Variants in BRIP1 observed in about 807,000 individuals in gnomAD.
The protein encoded by BRIP1 is BRCA1 interacting DNA helicase 1, also known as Fanconi anemia group J protein.
In BRIP1, 88 loss-of-function variants were observed where a neutral mutation model predicts 119.7. The observed-to-expected ratio is 0.74, with a 90% CI of 0.62 to 0.88. The LOEUF (loss-of-function observed/expected upper bound fraction) is 0.88, where lower values mean the gene tolerates loss of function less well. Among genes scored for constraint, BRIP1 ranks in the 40% least tolerant of loss-of-function variants. BRIP1 has a pLI of 0.00. For synonymous variants in BRIP1, 443 were observed against 496.5 expected (o/e 0.89, Z 1.43); for missense variants, 1,259 against 1,455.4 (o/e 0.87, Z 2.20).
chr17:61,850,002 A>C (rs2078793258), intron 4 of BRIP1, among the ~76,000 whole-genome samples: 2 of 152,078 alleles, frequency 1.3e-5, no homozygotes, highest in Non-Finnish European at 2.9e-5. Context: ...CCTTTTCCTA[A>C]ATATAAATAT....
intron 6 of BRIP1, among the ~76,000 whole-genome samples, chr17:61,833,014 TA>T (rs1275342686): frequency 1.1e-4 from 16 of 152,180 alleles, no homozygotes; most frequent in Admixed American, 8.5e-4. Context: ...GCCAAACTTT[TA>T]AAAAGCTAAA....
In BRIP1 at chr17:61,725,122, A is replaced by AGT. The variant is rs57246896; in HGVS notation, c.2380-9061_2380-9060dup. Among the ~76,000 whole-genome samples, 90 of 151,374 alleles carry AGT rather than the reference A, an allele frequency of 5.9e-4. No individual in the cohort carries two copies. Among genetic ancestry groups the AGT allele is most frequent in the African/African-American group, 2.1e-3 (85 of 41,306 alleles). On this transcript the variant is annotated intron_variant, in intron 16 of 19. Transcript: ENST00000259008. This position sits in a 1 kb window ranked among gnomAD's most constrained non-coding sequence, Gnocchi z 5.3. ...AGATTTCTGACACAGTTAACCAAATAGTGTGTGTGTGTGTGTGTGTGTGTA... is the reference window on the plus strand; with the variant it reads ...AGATTTCTGACACAGTTAACCAAATAGTGTGTGTGTGTGTGTGTGTGTGTGTA...
rs1456723345 is a variant in BRIP1, at chr17:61,748,722, G to A, written c.2098-4131C>T. Reference sequence around the variant, plus strand: ...TGCCAAAAATACATAATGGGGAAAGGACAGTCTCTTCAACAAATAGTTCAG... The same window carrying A: ...TGCCAAAAATACATAATGGGGAAAGAACAGTCTCTTCAACAAATAGTTCAG... On this transcript the variant is annotated intron_variant, in intron 14 of 19. Coordinates refer to ENST00000259008, the MANE Select transcript of BRIP1 (RefSeq NM_032043.3). This position sits in a 1 kb window ranked among gnomAD's most constrained non-coding sequence, Gnocchi z 4.7. Among the ~76,000 whole-genome samples, 1 of 152,192 alleles carries A rather than the reference G, an allele frequency of 6.6e-6. No individual in the cohort carries two copies. Among genetic ancestry groups the A allele is most frequent in the Non-Finnish European group, 1.5e-5 (1 of 68,034 alleles).
At position 61,683,031 on chromosome 17, in the gene BRIP1, C is replaced by G; in HGVS notation, c.*265G>C. On this transcript the variant is annotated 3_prime_UTR_variant, in exon 20 of 20. Transcript: ENST00000259008. The surrounding 1 kb of genome is among the most constrained non-coding windows in gnomAD (Gnocchi z 4.7). ...CCTGTAGTCCCAGCTACTCAGAAGGCTGAGGCAGGAGAATCACTTGAACCT... is the reference window on the plus strand; with the variant it reads ...CCTGTAGTCCCAGCTACTCAGAAGGGTGAGGCAGGAGAATCACTTGAACCT... 7 of 418,054 alleles carry G rather than the reference C, an allele frequency of 1.7e-5. No individual in the cohort carries two copies. In the South Asian group the frequency reaches 1.9e-4, roughly 11 times the overall value. 25.9% of individuals were successfully genotyped at this position (418,054 alleles called of 1,614,324 possible). A position where few individuals can be genotyped will look rare whatever the true frequency, so the allele number is the denominator to read the frequency against.
intron 16 of BRIP1, among the ~76,000 whole-genome samples, chr17:61,741,413 C>T (rs1205841275): frequency 6.6e-6 from 1 of 152,186 alleles, no homozygotes; most frequent in Non-Finnish European, 1.5e-5. Context: ...TTAATGGCAT[C>T]TAGAACGGTG....
Position 61,751,406 on chromosome 17 carries a change from T to C in BRIP1, c.2098-6815A>G, listed in dbSNP as rs1951063105. 6.6e-6 allele frequency among the ~76,000 whole-genome samples: 1 copy of C among 152,192 alleles called. No homozygotes were observed. The highest frequency in any genetic ancestry group is 2.4e-5 in the African/African-American group (1 of 41,440). The stretch of plus-strand genomic sequence containing the variant: ...ATTGAAAAGTTTTGGAAAGGGATAC[T>C]GGTGATGGTTGTACAACATCATGAA... On this transcript the variant is annotated intron_variant, in intron 14 of 19. Transcript: ENST00000259008. This position sits in a 1 kb window ranked among gnomAD's most constrained non-coding sequence, Gnocchi z 6.7.
chr17:61,697,715 G>T (rs939042791), intron 17 of BRIP1, among the ~76,000 whole-genome samples: 1 of 150,128 alleles, frequency 6.7e-6, no homozygotes, highest in African/African-American at 2.4e-5. Flanking sequence ...CTCGCTTTGG[G>T]TTTAGTTTGC....
rs942757047 is a variant in BRIP1 at position 61,776,700 on chromosome 17, A to C, written c.1936-138T>G. 9 of 851,654 alleles carry C rather than the reference A, an allele frequency of 1.1e-5. No homozygotes were observed. Among genetic ancestry groups the C allele is most frequent in the Admixed American group, 6.2e-5 (3 of 48,712 alleles). 52.8% of individuals were successfully genotyped at this position (851,654 alleles called of 1,614,324 possible). ...TTAAATTGTCAGGGGGTTTTCTATT[A>C]CCTTCAATTAACTGTATACAGATTT... On this transcript the variant is annotated intron_variant, in intron 13 of 19. Transcript: ENST00000259008. The surrounding 1 kb of genome is among the most constrained non-coding windows in gnomAD (Gnocchi z 5.0).
At chr17:61,784,604 A>G (rs191057166) in intron 10 of BRIP1, among the ~76,000 whole-genome samples, 180 bp from the exon 11 acceptor site, 10 of 151,972 alleles carry the variant, frequency 6.6e-5, no homozygotes, top group Non-Finnish European at 7.4e-5. Context: ...CCAGTAATGG[A>G]AGTGGGGCAT....
rs1383092232 is a variant in BRIP1 at position 61,810,701 on chromosome 17, T to C, written c.628-1944A>G. Among the ~76,000 whole-genome samples, 1 of 152,194 alleles carries C rather than the reference T, an allele frequency of 6.6e-6. No individual in the cohort carries two copies. The highest frequency in any genetic ancestry group is 1.5e-5 in the Non-Finnish European group (1 of 68,018). On this transcript the variant is annotated intron_variant, in intron 6 of 19. Transcript: ENST00000259008. The surrounding 1 kb of genome is among the most constrained non-coding windows in gnomAD (Gnocchi z 4.7). ...CAATTCCACTTAAAGCTTTACCATC[T>C]ACTCCCTTTAATTTCACCTTTTCTC...
intron 16 of BRIP1, among the ~76,000 whole-genome samples, chr17:61,719,510 G>A (rs2061937000): frequency 6.6e-6 from 1 of 152,072 alleles, no homozygotes. Flanking sequence ...GGATCACAAG[G>A]TCAGGAGATC....
At chr17:61,858,773 A>G (rs1396601862) in intron 3 of BRIP1, among the ~76,000 whole-genome samples, 2 of 152,212 alleles carry the variant, frequency 1.3e-5, no homozygotes, top group African/African-American at 2.4e-5. Flanking sequence ...TTTAACCTCA[A>G]TTCTCCTAAT....
chr17:61,748,895 T>C lies in BRIP1; in HGVS notation c.2098-4304A>G, dbSNP rs2077094325. Among the ~76,000 whole-genome samples, 3 of 152,242 alleles carry C rather than the reference T, an allele frequency of 2.0e-5. No homozygotes were observed. The South Asian group carries it at 6.2e-4, about 31-fold the overall frequency. ...GCTCATGCCTGTAATCCCAGCACTTTGGGAGGCCAAGGCGGGCAGATCACG... is the reference window on the plus strand; with the variant it reads ...GCTCATGCCTGTAATCCCAGCACTTCGGGAGGCCAAGGCGGGCAGATCACG... On this transcript the variant is annotated intron_variant, in intron 14 of 19. Transcript: ENST00000259008. This position sits in a 1 kb window ranked among gnomAD's most constrained non-coding sequence, Gnocchi z 4.7.
intron 6 of BRIP1, among the ~76,000 whole-genome samples, chr17:61,812,455 C>T (rs988618995): frequency 3.9e-5 from 6 of 151,974 alleles, no homozygotes; most frequent in African/African-American, 1.5e-4. Flanking sequence ...AATCTGTAAA[C>T]TCTAAGACCT....
rs1300349510 is a variant in BRIP1 at position 61,816,482 on chromosome 17, CT to C, written c.628-7726del. ...TAAGTGTTTGTTACCCTACTCTCCA[CT>C]TACTGTTTACTTTCTTGCCTAGTGT... On this transcript the variant is annotated intron_variant, in intron 6 of 19. Coordinates refer to ENST00000259008, the MANE Select transcript of BRIP1 (RefSeq NM_032043.3). This position sits in a 1 kb window ranked among gnomAD's most constrained non-coding sequence, Gnocchi z 5.0. 6.6e-6 allele frequency among the ~76,000 whole-genome samples: 1 copy of C among 152,234 alleles called. No individual in the cohort carries two copies. Among genetic ancestry groups the C allele is most frequent in the African/African-American group, 2.4e-5 (1 of 41,458 alleles).
intron 6 of BRIP1, among the ~76,000 whole-genome samples, chr17:61,839,855 T>C (rs1180878069): frequency 1.3e-5 from 2 of 152,112 alleles, no homozygotes; most frequent in Admixed American, 6.6e-5. Flanking sequence ...AAGATACAGA[T>C]ATACAATTAT....
Position 61,861,672 on chromosome 17 carries a change from A to G in BRIP1, c.-30-103T>C. ...TCTGGAAACAGAAACTGGAATTAAT[A>G]AAAGTATAAACAAAACAAATGGAAA... is the stretch of plus-strand genomic sequence containing the variant. On this transcript the variant is annotated intron_variant, in intron 1 of 19. Transcript: ENST00000259008. This position sits in a 1 kb window ranked among gnomAD's most constrained non-coding sequence, Gnocchi z 4.5. 2.8e-6 allele frequency: 2 copies of G among 705,858 alleles called. No individual in the cohort carries two copies. Among genetic ancestry groups the G allele is most frequent in the Non-Finnish European group, 5.1e-6 (2 of 394,258 alleles). The allele number at this position is 705,858 out of a possible 1,614,324, so 43.7% of individuals were successfully genotyped here.
At chr17:61,732,314 G>T (rs2076859331) in intron 16 of BRIP1, among the ~76,000 whole-genome samples, 1 of 152,006 alleles carries the variant, frequency 6.6e-6, no homozygotes. Context: ...GAATAGTTTT[G>T]TTGTAATCTA....
At chr17:61,694,334 A>G (rs151181207) in intron 17 of BRIP1, among the ~76,000 whole-genome samples, 151 of 152,240 alleles carry the variant, frequency 9.9e-4, no homozygotes, top group Middle Eastern at 6.8e-3. Flanking sequence ...TTTAACGGGA[A>G]TCAGACAATA....
Sources: gnomAD v4.1 joint callset for allele counts (sites outside exome capture counted in the v4.1 genomes callset) on GRCh38, gnomAD v4.1.1 for gene constraint, Gnocchi (gnomAD v3.1) non-coding constraint, MANE v1.5 for transcripts, NCBI Gene and HGNC (gene_info 2026-07-23, HGNC 2026-07-21) for gene names.